Variants in B3GALT1 observed in about 807,000 individuals in gnomAD.
B3GALT1 encodes the protein UDP-Gal:betaGlcNAc beta 1,3-galactosyltransferase, polypeptide 1.
Under a neutral mutation model 23.2 loss-of-function variants are expected in B3GALT1, and 10 were observed. The ratio of observed to expected loss-of-function variants is 0.43; its 90% CI spans 0.27 to 0.73. B3GALT1 has a LOEUF of 0.73. Among genes scored for constraint, B3GALT1 ranks in the 30% least tolerant of loss-of-function variants. The pLI is 0.21. For synonymous variants in B3GALT1, 156 were observed against 141.5 expected (o/e 1.10, Z -0.73); for missense variants, 299 against 405.4 (o/e 0.74, Z 2.25).
intron 2 of B3GALT1, among the ~76,000 whole-genome samples, chr2:167,540,837 T>C (rs919659276): frequency 1.3e-5 from 2 of 152,296 alleles, no homozygotes; most frequent in Non-Finnish European, 2.9e-5. Context: ...GTTGGAAATA[T>C]AAAGGTGACT....
chr2:167,486,943 A>G, intron 1 of B3GALT1, among the ~76,000 whole-genome samples: 1 of 152,348 alleles, frequency 6.6e-6, no homozygotes. Flanking sequence ...TGGCTGTAGA[A>G]TAAAAAATAA....
chr2:167,673,728 A>G (rs1306581144), intron 3 of B3GALT1, among the ~76,000 whole-genome samples: 1 of 152,090 alleles, frequency 6.6e-6, no homozygotes, highest in Non-Finnish European at 1.5e-5. Context: ...ATTAGTAATC[A>G]TAACAGTTAA....
At chr2:167,388,303 T>A (rs1174363088) in intron 1 of B3GALT1, among the ~76,000 whole-genome samples, 1 of 152,206 alleles carries the variant, frequency 6.6e-6, no homozygotes, top group Non-Finnish European at 1.5e-5. Context: ...GGTTTATGTG[T>A]TATCTGAGGG....
At chr2:167,779,073 C>G (rs1688207348) in intron 3 of B3GALT1, among the ~76,000 whole-genome samples, 1 of 152,178 alleles carries the variant, frequency 6.6e-6, no homozygotes, top group East Asian at 1.9e-4. Context: ...TGCAGACGCA[C>G]TCTACTGGAA....
intron 3 of B3GALT1, among the ~76,000 whole-genome samples, chr2:167,775,434 T>G (rs1688144834): frequency 1.3e-5 from 2 of 151,894 alleles, no homozygotes; most frequent in African/African-American, 4.8e-5. Context: ...CCGGGTGTGG[T>G]GGCGCGTGCC....
At chr2:167,646,442 G>A (rs2105460026) in intron 2 of B3GALT1, among the ~76,000 whole-genome samples, 1 of 152,280 alleles carries the variant, frequency 6.6e-6, no homozygotes, top group Admixed American at 6.5e-5. Context: ...TTCTCCTAGT[G>A]CCTGCCCACC....
At chr2:167,724,010 C>T (rs1574231788) in intron 3 of B3GALT1, among the ~76,000 whole-genome samples, 1 of 152,254 alleles carries the variant, frequency 6.6e-6, no homozygotes, top group East Asian at 1.9e-4. Context: ...ACATTTGATA[C>T]ATCTAAGTGA....
At chr2:167,564,290 C>G (rs572698164) in intron 2 of B3GALT1, among the ~76,000 whole-genome samples, 19 of 151,698 alleles carry the variant, frequency 1.3e-4, no homozygotes, top group South Asian at 1.0e-3. Context: ...ACGCTCCCCC[C>G]CTCCCAGATG....
At chr2:167,612,560 G>A (rs1685086245) in intron 2 of B3GALT1, among the ~76,000 whole-genome samples, 1 of 151,756 alleles carries the variant, frequency 6.6e-6, no homozygotes, top group South Asian at 2.1e-4. Flanking sequence ...CATAGGATAG[G>A]TGATCGAGGT....
At chr2:167,578,777 A>G (rs554110065) in intron 2 of B3GALT1, among the ~76,000 whole-genome samples, 1 of 152,096 alleles carries the variant, frequency 6.6e-6, no homozygotes, top group East Asian at 1.9e-4. Flanking sequence ...TGTCATTTAA[A>G]CATGTTCCAG....
chr2:167,397,432 G>A (rs1393796994), intron 1 of B3GALT1, among the ~76,000 whole-genome samples: 1 of 152,000 alleles, frequency 6.6e-6, no homozygotes, highest in African/African-American at 2.4e-5. Context: ...AGTGAAAGGA[G>A]AATCTTCTTT....
intron 3 of B3GALT1, among the ~76,000 whole-genome samples, chr2:167,727,470 C>T (rs974025624): frequency 2.6e-5 from 4 of 152,088 alleles, no homozygotes; most frequent in African/African-American, 7.2e-5. Flanking sequence ...TTTAGCCTAC[C>T]ACAGTCCATC....
intron 2 of B3GALT1, among the ~76,000 whole-genome samples, chr2:167,601,629 C>T (rs562377804): frequency 6.6e-6 from 1 of 152,180 alleles, no homozygotes. Flanking sequence ...GGTGAGGGAA[C>T]TTCAGTTCAA....
intron 2 of B3GALT1, among the ~76,000 whole-genome samples, chr2:167,568,837 T>G (rs1684232041): frequency 6.6e-6 from 1 of 151,964 alleles, no homozygotes; most frequent in African/African-American, 2.4e-5. Flanking sequence ...TCTCCTGTGT[T>G]ATTTTTGAGG....
chr2:167,592,516 G>A (rs1684704049), intron 2 of B3GALT1, among the ~76,000 whole-genome samples: 2 of 152,202 alleles, frequency 1.3e-5, no homozygotes, highest in African/African-American at 2.4e-5. Flanking sequence ...GTGATTTTCT[G>A]CAATTACAGC....
Position 167,870,364 on chromosome 2 carries a change from C to A in B3GALT1, c.*344C>A. 4.9e-6 allele frequency: 1 copy of A among 204,170 alleles called. No individual in the cohort carries two copies. The allele number at this position is 204,170 out of a possible 1,614,324, so 12.6% of individuals were successfully genotyped here. ...AACTCACAGTAATGTGTCATATCATCCCTGCAAAAATTAATACACAAATAG... is the reference window on the plus strand; with the variant it reads ...AACTCACAGTAATGTGTCATATCATACCTGCAAAAATTAATACACAAATAG... On this transcript the variant is annotated 3_prime_UTR_variant, in exon 5 of 5. Coordinates refer to ENST00000392690, the MANE Select transcript of B3GALT1 (RefSeq NM_020981.4).
chr2:167,681,834 C>G (rs927350330), intron 3 of B3GALT1, among the ~76,000 whole-genome samples: 7 of 152,154 alleles, frequency 4.6e-5, no homozygotes, highest in Admixed American at 3.3e-4. Context: ...AGAGGATACA[C>G]AAAGCCTTTG....
intron 1 of B3GALT1, among the ~76,000 whole-genome samples, chr2:167,470,597 C>CT (rs1699408340): frequency 6.6e-6 from 1 of 151,894 alleles, no homozygotes; most frequent in South Asian, 2.1e-4. Context: ...ACAGAAGGAT[C>CT]TTTCCTGAAG....
intron 2 of B3GALT1, among the ~76,000 whole-genome samples, chr2:167,491,746 C>T (rs1424020809): frequency 6.6e-6 from 1 of 150,838 alleles, no homozygotes; most frequent in Admixed American, 6.6e-5. Flanking sequence ...ACCCAGGAGG[C>T]GGAGCTTGCA....
Sources: allele counts gnomAD v4.1 joint callset (sites outside exome capture counted in the v4.1 genomes callset), GRCh38; gene constraint gnomAD v4.1.1; transcripts MANE v1.5; gene names NCBI Gene and HGNC (gene_info 2026-07-23, HGNC 2026-07-21).